Variants in SLC7A6OS observed in about 807,000 individuals in gnomAD.
SLC7A6OS encodes the protein solute carrier family 7 member 6 opposite strand.
Under a neutral mutation model 34.3 loss-of-function variants are expected in SLC7A6OS, and 22 were observed. That is an observed-to-expected ratio of 0.64 (90% confidence interval 0.46 to 0.92). The LOEUF (loss-of-function observed/expected upper bound fraction) is 0.92, where lower values mean the gene tolerates loss of function less well. Among genes scored for constraint, SLC7A6OS ranks in the 40% least tolerant of loss-of-function variants. The pLI, the probability that SLC7A6OS is intolerant of heterozygous loss-of-function variation, is 0.00. For synonymous variants in SLC7A6OS, 199 were observed against 165.0 expected (o/e 1.21, Z -1.58); for missense variants, 434 against 407.7 (o/e 1.06, Z -0.56).
In SLC7A6OS at chr16:68,300,166, A is replaced by G. The variant is rs1270439035; in HGVS notation, c.*1109T>C. The G allele has an allele frequency of 6.6e-6, 1 of 152,228 alleles. No individual in the cohort carries two copies. The highest frequency in any genetic ancestry group is 1.5e-5 in the Non-Finnish European group (1 of 68,046). 9.4% of individuals were successfully genotyped at this position (152,228 alleles called of 1,614,324 possible). Reference sequence around the variant, plus strand: ...AGCTACTAGCCACGTGTAGCTAATTACATTAAAATGAAATAAAATTAAAAG... The same window carrying G: ...AGCTACTAGCCACGTGTAGCTAATTGCATTAAAATGAAATAAAATTAAAAG... On this transcript the variant is annotated 3_prime_UTR_variant, in exon 5 of 5. Transcript: ENST00000263997.
At chr16:68,303,798 T>G in intron 3 of SLC7A6OS, 1 of 544,114 alleles carries the variant, frequency 1.8e-6, no homozygotes, top group Non-Finnish European at 3.3e-6. Flanking sequence ...GCAAACCTTG[T>G]AAAATATTCA....
At chr16:68,305,380 G>A (rs1042526721) in intron 2 of SLC7A6OS, among the ~76,000 whole-genome samples, 20 of 152,186 alleles carry the variant, frequency 1.3e-4, no homozygotes, top group African/African-American at 4.8e-4. Context: ...AGTTTGAAAT[G>A]CAATGCCCCA....
intron 2 of SLC7A6OS, among the ~76,000 whole-genome samples, chr16:68,306,220 AT>A (rs1372696778): frequency 6.6e-6 from 1 of 151,800 alleles, no homozygotes; most frequent in African/African-American, 2.4e-5. Context: ...AGCATAAATT[AT>A]TTTTTTTCTT....
intron 2 of SLC7A6OS, among the ~76,000 whole-genome samples, chr16:68,307,781 A>G (rs2043337008): frequency 1.3e-5 from 2 of 152,148 alleles, no homozygotes; most frequent in East Asian, 1.9e-4. Context: ...TTTTTCCCCT[A>G]TAATTACTCT....
chr16:68,306,563 C>CT (rs2043328087), intron 2 of SLC7A6OS, among the ~76,000 whole-genome samples: 1 of 152,110 alleles, frequency 6.6e-6, no homozygotes, highest in Non-Finnish European at 1.5e-5. Context: ...CCAAACTGGC[C>CT]TTGAACTCCT....
At position 68,310,201 on chromosome 16, in the gene SLC7A6OS, A is replaced by T; in HGVS notation, c.471+134T>A. On this transcript the variant is annotated intron_variant, in intron 2 of 4. Transcript: ENST00000263997. ...GTAAACACATGTTGGATGAACAACCAAATCTGTAAAATGAGGCCGTCACGC... is the reference window on the plus strand; with the variant it reads ...GTAAACACATGTTGGATGAACAACCTAATCTGTAAAATGAGGCCGTCACGC... 5 of 1,033,430 alleles carry T rather than the reference A, an allele frequency of 4.8e-6. No homozygotes were observed. In the South Asian group the frequency reaches 8.7e-5, roughly 18 times the overall value. The allele number at this position is 1,033,430 out of a possible 1,614,324, so 64.0% of individuals were successfully genotyped here.
At position 68,310,261 on chromosome 16, in the gene SLC7A6OS, T is replaced by C. The variant is rs551844797; in HGVS notation, c.471+74A>G. 19 of 1,453,874 alleles carry C rather than the reference T, an allele frequency of 1.3e-5. No homozygotes were observed. The African/African-American group carries it at 2.5e-4, about 19-fold the overall frequency. 90.1% of individuals were successfully genotyped at this position (1,453,874 alleles called of 1,614,324 possible). ...CATCCATCCCCTTAAGATGAAACTG[T>C]GCTGCGACTGGGCCCAGTCTTCTTG... is the stretch of plus-strand genomic sequence containing the variant. On this transcript the variant is annotated intron_variant, in intron 2 of 4. Coordinates refer to ENST00000263997, the MANE Select transcript of SLC7A6OS (RefSeq NM_032178.3).
chr16:68,299,124 G>A lies in SLC7A6OS; in HGVS notation c.*2151C>T, dbSNP rs892093650. 1 of 152,680 alleles carries A rather than the reference G, an allele frequency of 6.5e-6. No individual in the cohort carries two copies. The highest frequency in any genetic ancestry group is 2.4e-5 in the African/African-American group (1 of 41,462). The allele number at this position is 152,680 out of a possible 1,614,324, so 9.5% of individuals were successfully genotyped here. A position where few individuals can be genotyped will look rare whatever the true frequency, so the allele number is the denominator to read the frequency against. On this transcript the variant is annotated 3_prime_UTR_variant, in exon 5 of 5. Coordinates refer to ENST00000263997, the MANE Select transcript of SLC7A6OS (RefSeq NM_032178.3). ...GCAAATTCCTGCCCGACGACAGGGT[G>A]TCTTATGCAAAGGCTGACTTGCCTG... is the stretch of plus-strand genomic sequence containing the variant.
intron 2 of SLC7A6OS, among the ~76,000 whole-genome samples, chr16:68,304,727 G>A (rs991844546): frequency 3.3e-5 from 5 of 152,124 alleles, no homozygotes; most frequent in South Asian, 2.1e-4. Context: ...TTAATGTGTA[G>A]TTCTTACTTT....
In SLC7A6OS at chr16:68,304,078, C is replaced by G; in HGVS notation, c.626G>C (p.Gly209Ala). The change falls in exon 3 of 5, where the codon GGC becomes GCC. Residue 209 changes from glycine (G) to alanine (A), a missense_variant. Transcript: ENST00000263997. The stretch of plus-strand genomic sequence containing the variant: ...CACGGAGAGGATGTTCTCAATCCAG[C>G]CTGGAGTGGCCGTCTCCAAGTAGTA... The part of the protein sequence containing the change: ...DIYYLETATP[G>A]WIENILSVQP... 1 of 1,614,074 alleles carries G rather than the reference C, an allele frequency of 6.2e-7. No homozygotes were observed. Among genetic ancestry groups the G allele is most frequent in the South Asian group, 1.1e-5 (1 of 91,072 alleles).
rs528395838 is a variant in SLC7A6OS at position 68,299,885 on chromosome 16, C to G, written c.*1390G>C. On this transcript the variant is annotated 3_prime_UTR_variant, in exon 5 of 5. Transcript: ENST00000263997. ...TGTACACAGAATTTAATCACTTCGGCAGGTTGAACAACTCCATGTAGATAA... is the reference window on the plus strand; with the variant it reads ...TGTACACAGAATTTAATCACTTCGGGAGGTTGAACAACTCCATGTAGATAA... The G allele has an allele frequency of 6.6e-6, 1 of 152,220 alleles. No homozygotes were observed. The highest frequency in any genetic ancestry group is 2.1e-4 in the South Asian group (1 of 4,822). 9.4% of individuals were successfully genotyped at this position (152,220 alleles called of 1,614,324 possible). A position where few individuals can be genotyped will look rare whatever the true frequency, so the allele number is the denominator to read the frequency against.
chr16:68,300,917 T>A lies in SLC7A6OS; in HGVS notation c.*358A>T, dbSNP rs2043259528. 1 of 999,722 alleles carries A rather than the reference T, an allele frequency of 1.0e-6. No homozygotes were observed. 61.9% of individuals were successfully genotyped at this position (999,722 alleles called of 1,614,324 possible). On this transcript the variant is annotated 3_prime_UTR_variant, in exon 5 of 5. Transcript: ENST00000263997. ...GTATGGCACAGCAGAAGCTTACTGC[T>A]AATGAAATGGGAACCTCCCCCTCCC...
At position 68,301,352 on chromosome 16, in the gene SLC7A6OS, G is replaced by A. The variant is rs765933454; in HGVS notation, c.853C>T (p.Arg285Trp). Reference sequence around the variant, plus strand: ...TCCAGAGGGTACTTGCTCCACATCCGCTGTCTGCTGCTGCCTCTTTCCTCC... The same window carrying A: ...TCCAGAGGGTACTTGCTCCACATCCACTGTCTGCTGCTGCCTCTTTCCTCC... Reference protein sequence around the residue: ...SEEERGSSRQRMWSKYPLDVQ... With the variant: ...SEEERGSSRQWMWSKYPLDVQ... The change falls in exon 5 of 5, where the codon CGG becomes TGG. Residue 285 changes from arginine (R) to tryptophan (W), a missense_variant. Arg to Trp is a moderately radical substitution (Grantham distance 101). Coordinates refer to ENST00000263997, the MANE Select transcript of SLC7A6OS (RefSeq NM_032178.3). 1.2e-5 allele frequency: 19 copies of A among 1,613,942 alleles called. No individual in the cohort carries two copies. The highest frequency in any genetic ancestry group is 1.4e-5 in the Non-Finnish European group (16 of 1,180,002).
intron 2 of SLC7A6OS, among the ~76,000 whole-genome samples, chr16:68,306,967 A>C (rs1056228136): frequency 1.3e-5 from 2 of 152,144 alleles, no homozygotes; most frequent in African/African-American, 2.4e-5. Flanking sequence ...GGCCTCCCAA[A>C]GTATTGGGAT....
chr16:68,307,930 T>C (rs969335075), intron 2 of SLC7A6OS, among the ~76,000 whole-genome samples: 6 of 152,182 alleles, frequency 3.9e-5, no homozygotes, highest in African/African-American at 1.4e-4. Flanking sequence ...AGATGGAGTT[T>C]TGCTCTTCTC....
intron 3 of SLC7A6OS, 130 bp from the exon 4 acceptor site, chr16:68,302,631 G>T: frequency 2.0e-6 from 2 of 1,011,076 alleles, no homozygotes; most frequent in South Asian, 1.4e-5. Flanking sequence ...CAGACTAGTA[G>T]TTTGACTCCA....
chr16:68,306,866 A>T (rs2043331017), intron 2 of SLC7A6OS, among the ~76,000 whole-genome samples: 1 of 151,676 alleles, frequency 6.6e-6, no homozygotes, highest in Non-Finnish European at 1.5e-5. Context: ...ACTCAGAATC[A>T]GGGTCTTGCT....
chr16:68,302,079 T>G, intron 4 of SLC7A6OS: 1 of 325,156 alleles, frequency 3.1e-6, no homozygotes, highest in Non-Finnish European at 5.6e-6. Context: ...ACCACTAAAA[T>G]TCATGCAGAA....
chr16:68,306,823 T>TATTCATTC (rs3068658), intron 2 of SLC7A6OS, among the ~76,000 whole-genome samples: 1,732 of 150,360 alleles, frequency 0.012, 28 homozygotes, highest in African/African-American at 0.037. Context: ...TGTCCATGTG[T>TATTCATTC]ATTCATTCAT....
Sources: allele counts gnomAD v4.1 joint callset (sites outside exome capture counted in the v4.1 genomes callset), GRCh38; gene constraint gnomAD v4.1.1; transcripts MANE v1.5; gene names NCBI Gene and HGNC (gene_info 2026-07-23, HGNC 2026-07-21).